The following PRELID2 variants were observed in gnomAD, a reference collection of about 807,000 sequenced individuals.
PRELID2 encodes the protein PRELI domain-containing protein 2.
A neutral mutation model predicts 28.4 loss-of-function variants in PRELID2; 25 were observed. The ratio of observed to expected loss-of-function variants is 0.88; its 90% CI spans 0.64 to 1.23. PRELID2 has a LOEUF of 1.23. Ranked by LOEUF, PRELID2 falls within the 50% of genes most tolerant of loss-of-function variation. The pLI is 0.00. For synonymous variants in PRELID2, 76 were observed against 71.6 expected (o/e 1.06, Z -0.31); for missense variants, 201 against 214.4 (o/e 0.94, Z 0.39).
intron 1 of PRELID2, chr5:145,826,191 G>A: frequency 2.0e-6 from 2 of 985,108 alleles, no homozygotes. Context: ...CCTTCTCAAA[G>A]CGTGGAAACC....
chr5:145,329,122 T>G, the PRELID2 span, among the ~76,000 whole-genome samples: 3 of 152,200 alleles, frequency 2.0e-5, no homozygotes, highest in Non-Finnish European at 4.4e-5. Flanking sequence ...TCTGTTCTGT[T>G]CCATTGGTCT....
At chr5:145,535,575 C>A (rs1036604546) in intron 1 of PRELID2, among the ~76,000 whole-genome samples, 10 of 151,726 alleles carry the variant, frequency 6.6e-5, no homozygotes, top group Non-Finnish European at 1.5e-4. Flanking sequence ...CCTATACTCA[C>A]AATTGCTTAC....
At chr5:145,607,193 A>T (rs1336669622) in intron 1 of PRELID2, among the ~76,000 whole-genome samples, 1 of 152,046 alleles carries the variant, frequency 6.6e-6, no homozygotes, top group Non-Finnish European at 1.5e-5. Flanking sequence ...CAAAGAACAA[A>T]ATCCTGGATT....
At chr5:145,640,336 C>T (rs541746979) in intron 1 of PRELID2, among the ~76,000 whole-genome samples, 3 of 152,054 alleles carry the variant, frequency 2.0e-5, no homozygotes, top group East Asian at 1.9e-4. Flanking sequence ...ATTAGCCGGG[C>T]GTGGTGGCGG....
At chr5:145,714,328 C>A (rs771507742) in intron 1 of PRELID2, among the ~76,000 whole-genome samples, 1 of 152,054 alleles carries the variant, frequency 6.6e-6, no homozygotes, top group African/African-American at 2.4e-5. Context: ...CCCAAGGAAC[C>A]AAACAAGAGC....
At chr5:145,609,638 G>A (rs183900113) in intron 1 of PRELID2, among the ~76,000 whole-genome samples, 14 of 152,364 alleles carry the variant, frequency 9.2e-5, no homozygotes, top group Middle Eastern at 3.4e-3. Flanking sequence ...GGTATGTCTG[G>A]CTACTAGAGG....
At chr5:145,337,633 G>C in the PRELID2 span, among the ~76,000 whole-genome samples, 4 of 143,984 alleles carry the variant, frequency 2.8e-5, no homozygotes, top group Admixed American at 2.9e-4. Flanking sequence ...TTATTATAAA[G>C]GCTATTTCAA....
At chr5:145,553,643 G>A (rs1752856323) in intron 1 of PRELID2, among the ~76,000 whole-genome samples, 1 of 152,212 alleles carries the variant, frequency 6.6e-6, no homozygotes, top group South Asian at 2.1e-4. Flanking sequence ...GTGCCAGACT[G>A]TGAAAATTCT....
chr5:145,811,576 C>T (rs1193905643), intron 4 of PRELID2, among the ~76,000 whole-genome samples: 1 of 152,156 alleles, frequency 6.6e-6, no homozygotes, highest in Non-Finnish European at 1.5e-5. Flanking sequence ...TTGAGCCATG[C>T]CTGGAGCAGA....
At chr5:145,490,320 T>C (rs879105797) in intron 1 of PRELID2, among the ~76,000 whole-genome samples, 7 of 152,202 alleles carry the variant, frequency 4.6e-5, no homozygotes, top group Admixed American at 4.6e-4. Context: ...CTCTTGTACC[T>C]GAAACTGAAC....
chr5:145,341,918 C>T, the PRELID2 span, among the ~76,000 whole-genome samples: 1 of 152,106 alleles, frequency 6.6e-6, no homozygotes, highest in Non-Finnish European at 1.5e-5. Flanking sequence ...AATCCCCATG[C>T]AGATAAAATG....
At chr5:145,780,384 A>G (rs1026871710) in intron 5 of PRELID2, among the ~76,000 whole-genome samples, 4 of 152,198 alleles carry the variant, frequency 2.6e-5, no homozygotes, top group Non-Finnish European at 5.9e-5. Flanking sequence ...ACTCCTCACA[A>G]TACTCTACAA....
chr5:145,576,676 T>A (rs1401281653), intron 1 of PRELID2, among the ~76,000 whole-genome samples: 10 of 141,434 alleles, frequency 7.1e-5, no homozygotes, highest in Admixed American at 1.4e-4. Context: ...AGCACAATAG[T>A]AAAAAAAAAA....
chr5:145,748,896 T>C (rs1757059739), intron 1 of PRELID2, among the ~76,000 whole-genome samples: 1 of 152,154 alleles, frequency 6.6e-6, no homozygotes, highest in Non-Finnish European at 1.5e-5. Flanking sequence ...ATTTAATAAA[T>C]GGTGCTAGGA....
Position 145,669,411 on chromosome 5 carries a change from T to C in PRELID2, n.70+95520A>G, listed in dbSNP as rs533147542. On this transcript the variant is annotated intron_variant and non_coding_transcript_variant, in intron 1 of 2. Transcript: ENST00000510259. ...ACTGTTCAGATAAACCAGGGGTCTTTATCCCAGTATTATCAACCCAGAGAC... is the reference window on the plus strand; with the variant it reads ...ACTGTTCAGATAAACCAGGGGTCTTCATCCCAGTATTATCAACCCAGAGAC... Among the ~76,000 whole-genome samples the C allele has an allele frequency of 4.1e-4, 62 of 152,216 alleles. 1 individual carries two copies. Among genetic ancestry groups the C allele is most frequent in the African/African-American group, 1.4e-3 (60 of 41,552 alleles).
At chr5:145,629,309 T>C (rs114782386) in intron 1 of PRELID2, among the ~76,000 whole-genome samples, 1,855 of 152,312 alleles carry the variant, frequency 0.012, 31 homozygotes, top group African/African-American at 0.042. Context: ...CACATCTGCA[T>C]TTGTCTCCCA....
chr5:145,433,539 C>T, the PRELID2 span, among the ~76,000 whole-genome samples: 2 of 152,082 alleles, frequency 1.3e-5, no homozygotes, highest in Non-Finnish European at 1.5e-5. Context: ...CAGTTCTTTC[C>T]AACAACAACT....
intron 1 of PRELID2, among the ~76,000 whole-genome samples, chr5:145,633,385 TC>T (rs1753956976): frequency 1.3e-5 from 2 of 152,322 alleles, no homozygotes; most frequent in African/African-American, 4.8e-5. Flanking sequence ...TTCATGTACC[TC>T]CAGTTCCCCA....
chr5:145,598,625 C>A (rs1197025143), intron 1 of PRELID2, among the ~76,000 whole-genome samples: 1 of 152,132 alleles, frequency 6.6e-6, no homozygotes, highest in Non-Finnish European at 1.5e-5. Context: ...ACTGTTGTGG[C>A]ACAGTAGCAT....
Sources: gnomAD v4.1 joint callset for allele counts (sites outside exome capture counted in the v4.1 genomes callset) on GRCh38, gnomAD v4.1.1 for gene constraint, MANE v1.5 for transcripts, NCBI Gene and HGNC (gene_info 2026-07-23, HGNC 2026-07-21) for gene names.